The following TSPAN5 variants were observed in gnomAD, a reference collection of about 807,000 sequenced individuals.
TSPAN5 encodes the protein tetraspanin 5, also known as tetraspanin-5.
Under a neutral mutation model 37.1 loss-of-function variants are expected in TSPAN5, and 10 were observed. The observed-to-expected ratio is 0.27, with a 90% CI of 0.17 to 0.46. TSPAN5 has a LOEUF of 0.46. Among genes scored for constraint, TSPAN5 ranks in the 20% least tolerant of loss-of-function variants. The pLI is 1.00. For synonymous variants in TSPAN5, 110 were observed against 118.9 expected, an observed-to-expected ratio of 0.93 and a Z score of 0.48; for missense variants, 195 against 326.6, an observed-to-expected ratio of 0.60 and a Z score of 3.11.
intron 1 of TSPAN5, among the ~76,000 whole-genome samples, chr4:98,633,853 G>A (rs751039596): frequency 6.6e-6 from 1 of 152,150 alleles, no homozygotes; most frequent in African/African-American, 2.4e-5. Flanking sequence ...GCCGAGACGG[G>A]AGGATCACCT....
chr4:98,471,249 A>G lies in TSPAN5; in HGVS notation c.*1273T>C, dbSNP rs1365924655. ...AAAGCAAACTAAAACTGGAGGAAGA[A>G]AAAGAAACCATTAGAAGCTTTTGAC... On this transcript the variant is annotated 3_prime_UTR_variant, in exon 8 of 8. Coordinates refer to ENST00000305798, the MANE Select transcript of TSPAN5 (RefSeq NM_005723.4). The G allele has an allele frequency of 6.6e-6, 1 of 152,236 alleles. No individual in the cohort carries two copies. Among genetic ancestry groups the G allele is most frequent in the African/African-American group, 2.4e-5 (1 of 41,456 alleles). The allele number at this position is 152,236 out of a possible 1,614,324, so 9.4% of individuals were successfully genotyped here.
chr4:98,558,531 T>G (rs1344260763), intron 1 of TSPAN5, among the ~76,000 whole-genome samples: 1 of 152,214 alleles, frequency 6.6e-6, no homozygotes, highest in Non-Finnish European at 1.5e-5. Context: ...GGGACTTTAA[T>G]GTGGTGGCAC....
chr4:98,639,048 G>A (rs114546019), intron 1 of TSPAN5, among the ~76,000 whole-genome samples: 2 of 152,188 alleles, frequency 1.3e-5, no homozygotes, highest in South Asian at 2.1e-4. Flanking sequence ...AACACAACAC[G>A]AAGAAATGGC....
chr4:98,559,827 C>G (rs1046889771), intron 1 of TSPAN5, among the ~76,000 whole-genome samples: 3 of 152,136 alleles, frequency 2.0e-5, no homozygotes, highest in African/African-American at 7.2e-5. Flanking sequence ...CAGCTGTTAA[C>G]AGCCCACAGA....
At chr4:98,620,733 G>A (rs1756462726) in intron 1 of TSPAN5, among the ~76,000 whole-genome samples, 1 of 152,188 alleles carries the variant, frequency 6.6e-6, no homozygotes. Flanking sequence ...AGGGAGTGTG[G>A]CTGGCACAGA....
Position 98,473,615 on chromosome 4 carries a change from G to A in TSPAN5, c.742-1028C>T, listed in dbSNP as rs913617947. On this transcript the variant is annotated intron_variant, in intron 7 of 7. Transcript: ENST00000305798. ...GCTGGGACTACAGGCGCCCGCCACC[G>A]CGCCCGGCTAATTTTTTGTATTTTT... Among the ~76,000 whole-genome samples the A allele has an allele frequency of 3.5e-4, 53 of 151,828 alleles. 1 individual carries two copies. The East Asian group carries it at 7.6e-3, about 22-fold the overall frequency.
intron 1 of TSPAN5, among the ~76,000 whole-genome samples, chr4:98,564,547 T>G (rs780675354): frequency 4.0e-5 from 6 of 151,280 alleles, no homozygotes; most frequent in Admixed American, 2.0e-4. Flanking sequence ...TATTAATTAA[T>G]GCTTCCCACA....
chr4:98,550,063 T>C (rs1298791414), intron 1 of TSPAN5, among the ~76,000 whole-genome samples: 2 of 152,178 alleles, frequency 1.3e-5, no homozygotes, highest in East Asian at 3.9e-4. Flanking sequence ...TTAATTTTTG[T>C]ATATGATAAG....
At chr4:98,540,771 T>G (rs542536315) in intron 1 of TSPAN5, among the ~76,000 whole-genome samples, 1 of 152,336 alleles carries the variant, frequency 6.6e-6, no homozygotes, top group Admixed American at 6.5e-5. Context: ...GATTATTTGA[T>G]GAGTACTACT....
chr4:98,562,118 G>A (rs1409150871), intron 1 of TSPAN5, among the ~76,000 whole-genome samples: 1 of 152,214 alleles, frequency 6.6e-6, no homozygotes, highest in Non-Finnish European at 1.5e-5. Flanking sequence ...CATTTGAGGG[G>A]AGGGGATGAG....
At chr4:98,574,391 A>G (rs1479693900) in intron 1 of TSPAN5, 14 of 152,232 alleles carry the variant, frequency 9.2e-5, no homozygotes, top group Admixed American at 9.2e-4. Context: ...TTTAAGCCTA[A>G]TTCTTACAGG....
chr4:98,564,513 TCTCA>T (rs1578995619), intron 1 of TSPAN5, among the ~76,000 whole-genome samples: 1 of 152,332 alleles, frequency 6.6e-6, no homozygotes, highest in Middle Eastern at 3.4e-3. Flanking sequence ...TCTAAGTTAA[TCTCA>T]CTGAGTCCTT....
At chr4:98,544,230 T>G (rs1214288704) in intron 1 of TSPAN5, among the ~76,000 whole-genome samples, 2 of 152,164 alleles carry the variant, frequency 1.3e-5, no homozygotes, top group South Asian at 2.1e-4. Context: ...TTGTTCCTAA[T>G]TTAATTAGCA....
intron 1 of TSPAN5, among the ~76,000 whole-genome samples, chr4:98,533,965 A>G (rs1436648490): frequency 6.8e-6 from 1 of 146,838 alleles, no homozygotes; most frequent in Non-Finnish European, 1.5e-5. Flanking sequence ...AAAAAAAACC[A>G]GCTCCTGGAT....
At chr4:98,641,405 A>G (rs184601158) in intron 1 of TSPAN5, among the ~76,000 whole-genome samples, 1 of 152,368 alleles carries the variant, frequency 6.6e-6, no homozygotes, top group East Asian at 1.9e-4. Flanking sequence ...ATACAATTTT[A>G]TGTGCAAATT....
In TSPAN5 at chr4:98,628,461, G is replaced by T. The variant is rs559468210; in HGVS notation, c.81+29685C>A. ...TAATGTGGGGTACACCACACTGCCT[G>T]GTATTGGTTTAATTTGAATTTTCTT... On this transcript the variant is annotated intron_variant, in intron 1 of 7. Transcript: ENST00000305798. 9.9e-5 allele frequency among the ~76,000 whole-genome samples: 15 copies of T among 152,156 alleles called. No individual in the cohort carries two copies. The South Asian group carries it at 3.1e-3, about 32-fold the overall frequency.
At chr4:98,551,492 C>CTTTTTTTTTTTTTT (rs35415457) in intron 1 of TSPAN5, among the ~76,000 whole-genome samples, 1 of 92,240 alleles carries the variant, frequency 1.1e-5, no homozygotes, top group African/African-American at 4.2e-5. Context: ...TTTTTCTTTT[C>CTTTTTTTTTTTTTT]TTTTTTTTTT....
At chr4:98,624,941 C>G (rs542915102) in intron 1 of TSPAN5, among the ~76,000 whole-genome samples, 1 of 152,084 alleles carries the variant, frequency 6.6e-6, no homozygotes, top group Non-Finnish European at 1.5e-5. Context: ...CATTAATGAA[C>G]GTATTTTTAG....
chr4:98,514,943 T>G (rs926696519), intron 1 of TSPAN5, among the ~76,000 whole-genome samples: 6 of 152,116 alleles, frequency 3.9e-5, no homozygotes, highest in Non-Finnish European at 8.8e-5. Flanking sequence ...TGGAAAGAGA[T>G]CAGTGTCACG....
Sources: gnomAD v4.1 joint callset for allele counts (sites outside exome capture counted in the v4.1 genomes callset) on GRCh38, gnomAD v4.1.1 for gene constraint, MANE v1.5 for transcripts, NCBI Gene and HGNC (gene_info 2026-07-23, HGNC 2026-07-21) for gene names.